Variants in TRHDE observed in about 807,000 individuals in gnomAD.
TRHDE encodes thyrotropin releasing hormone degrading enzyme, also known as thyrotropin-releasing hormone-degrading ectoenzyme.
In TRHDE, 72 loss-of-function variants were observed where a neutral mutation model predicts 125.7. The ratio of observed to expected loss-of-function variants is 0.57; its 90% CI spans 0.47 to 0.70. The LOEUF (loss-of-function observed/expected upper bound fraction) is 0.70. Ranked by LOEUF, TRHDE falls within the 30% of genes least tolerant of loss-of-function variation. The probability of loss-of-function intolerance (pLI) is 0.00; values close to 1 mark genes in which losing one functional copy is unlikely to be tolerated. For missense variants in TRHDE, 1,110 were observed against 1,327.1 expected (o/e 0.84, Z 2.54); for synonymous variants, 509 against 509.1 (o/e 1.00, Z 0.00).
chr12:72,365,309 A>T (rs1871295551), intron 2 of TRHDE, among the ~76,000 whole-genome samples: 1 of 152,098 alleles, frequency 6.6e-6, no homozygotes, highest in African/African-American at 2.4e-5. Context: ...AGGTGACTCT[A>T]GTCCAGTGGT....
intron 2 of TRHDE, among the ~76,000 whole-genome samples, chr12:72,196,388 A>G (rs878911767): frequency 1.3e-5 from 2 of 151,998 alleles, no homozygotes; most frequent in African/African-American, 4.8e-5. Flanking sequence ...TATGTCATCT[A>G]TGGTTTCTTT....
Position 72,159,305 on chromosome 12 carries a change from G to A in TRHDE, n.279+53553G>A, listed in dbSNP as rs538231058. ...TCAAGAAACACATACTTAGAGTACA[G>A]TAATAGTAATTCAATGATCTACTTT... On this transcript the variant is annotated intron_variant and non_coding_transcript_variant, in intron 2 of 4. Transcript: ENST00000548156. Among the ~76,000 whole-genome samples, 111 of 152,282 alleles carry A rather than the reference G, an allele frequency of 7.3e-4. No individual in the cohort carries two copies. In the Middle Eastern group the frequency reaches 0.01, roughly 14 times the overall value.
In TRHDE at chr12:72,394,730, C is replaced by A. The variant is rs149470125; in HGVS notation, c.1315+16609C>A. Reference sequence around the variant, plus strand: ...TTACATCTTGCAGCATACAAGCCTACAAGTGGTATAGGTGTCATATTGTTG... The same window carrying A: ...TTACATCTTGCAGCATACAAGCCTAAAAGTGGTATAGGTGTCATATTGTTG... On this transcript the variant is annotated intron_variant, in intron 3 of 18. Transcript: ENST00000261180. 6.6e-5 allele frequency among the ~76,000 whole-genome samples: 10 copies of A among 152,266 alleles called. No individual in the cohort carries two copies. The East Asian group carries it at 1.9e-3, about 29-fold the overall frequency.
chr12:72,171,893 G>A (rs562662535), intron 2 of TRHDE, among the ~76,000 whole-genome samples: 2 of 152,278 alleles, frequency 1.3e-5, no homozygotes, highest in African/African-American at 2.4e-5. Context: ...ACTTTAAGTT[G>A]CCCACATTCA....
Position 72,113,190 on chromosome 12 carries a change from T to A in TRHDE, n.279+7438T>A, listed in dbSNP as rs111765605. 2.3e-3 allele frequency among the ~76,000 whole-genome samples: 352 copies of A among 152,080 alleles called. 3 individuals carry two copies. The highest frequency in any genetic ancestry group is 7.3e-3 in the African/African-American group (303 of 41,538). ...ACATCACCATACCTGGCTAAATTTT[T>A]TTTTTCTTTGTAGAGAGAGGGTTTT... On this transcript the variant is annotated intron_variant and non_coding_transcript_variant, in intron 2 of 4. Coordinates refer to the TRHDE transcript ENST00000548156.
chr12:72,379,485 G>A lies in TRHDE; in HGVS notation c.1315+1364G>A, dbSNP rs1196801359. ...AATACTTGACCTCATTTGCATGGAA[G>A]GTGGCACTGTTATCTACTCCAGGTA... On this transcript the variant is annotated intron_variant, in intron 3 of 18. Transcript: ENST00000261180. 2.0e-5 allele frequency among the ~76,000 whole-genome samples: 3 copies of A among 152,198 alleles called. No individual in the cohort carries two copies. In the East Asian group the frequency reaches 5.8e-4, roughly 29 times the overall value.
intron 2 of TRHDE, among the ~76,000 whole-genome samples, chr12:72,335,323 T>A (rs1869782929): frequency 2.0e-5 from 3 of 152,158 alleles, no homozygotes; most frequent in Admixed American, 2.0e-4. Context: ...GGAAGACCAT[T>A]CCTTGAACTG....
At chr12:72,563,640 C>T (rs1467907136) in intron 9 of TRHDE, among the ~76,000 whole-genome samples, 2 of 152,160 alleles carry the variant, frequency 1.3e-5, no homozygotes, top group Non-Finnish European at 2.9e-5. Context: ...CATTTAATTA[C>T]TGATAACTCA....
intron 2 of TRHDE, among the ~76,000 whole-genome samples, chr12:72,189,057 G>C (rs114617127): frequency 0.011 from 1,626 of 152,244 alleles, 28 homozygotes; most frequent in African/African-American, 0.037. Context: ...CTAAAATCTT[G>C]GTAGGCAGGA....
intron 6 of TRHDE, among the ~76,000 whole-genome samples, chr12:72,541,337 T>C (rs1869138297): frequency 6.6e-6 from 1 of 151,588 alleles, no homozygotes; most frequent in South Asian, 2.1e-4. Context: ...AGATTTGTTA[T>C]CATCCATACT....
Position 72,507,746 on chromosome 12 carries a change from C to T in TRHDE, c.1722+8111C>T, listed in dbSNP as rs113674894. Among the ~76,000 whole-genome samples, 495 of 152,246 alleles carry T rather than the reference C, an allele frequency of 3.3e-3. 1 individual carries two copies. Among genetic ancestry groups the T allele is most frequent in the Non-Finnish European group, 5.7e-3 (385 of 67,998 alleles). On this transcript the variant is annotated intron_variant, in intron 6 of 18. Coordinates refer to ENST00000261180, the MANE Select transcript of TRHDE (RefSeq NM_013381.3). The stretch of plus-strand genomic sequence containing the variant: ...ATAAGAAGAGCTGAATGTCAATAGC[C>T]AAGACAATGGGGAAAAATGCCTTGA...
At chr12:72,603,711 T>C (rs957714525) in intron 12 of TRHDE, among the ~76,000 whole-genome samples, 7 of 151,328 alleles carry the variant, frequency 4.6e-5, no homozygotes, top group East Asian at 1.9e-4. Flanking sequence ...GGCGACAGAG[T>C]GAGACTCCGT....
intron 1 of TRHDE, among the ~76,000 whole-genome samples, chr12:72,091,577 G>C (rs919191926): frequency 1.3e-5 from 2 of 152,122 alleles, no homozygotes; most frequent in African/African-American, 4.8e-5. Context: ...TTTTACAAGG[G>C]TGTGCACGTG....
At chr12:72,187,843 C>T (rs1310843490) in intron 2 of TRHDE, among the ~76,000 whole-genome samples, 1 of 152,114 alleles carries the variant, frequency 6.6e-6, no homozygotes, top group Non-Finnish European at 1.5e-5. Context: ...TATGTACTGC[C>T]TCTGACTGTT....
At chr12:72,380,748 T>TTCCA (rs1378255352) in intron 3 of TRHDE, among the ~76,000 whole-genome samples, 15 of 93,570 alleles carry the variant, frequency 1.6e-4, no homozygotes, top group African/African-American at 1.1e-3. Flanking sequence ...CCTTCCTTCC[T>TTCCA]TCCTTCCTTC....
chr12:72,470,857 T>C (rs1213037044), intron 4 of TRHDE, among the ~76,000 whole-genome samples: 1 of 143,662 alleles, frequency 7.0e-6, no homozygotes, highest in Non-Finnish European at 1.5e-5. Flanking sequence ...TCTATGTAAA[T>C]GTCAGCTTTT....
chr12:72,259,934 G>A (rs961243736), intron 2 of TRHDE, among the ~76,000 whole-genome samples: 3 of 152,212 alleles, frequency 2.0e-5, no homozygotes, highest in Non-Finnish European at 4.4e-5. Flanking sequence ...TCATGTAAAT[G>A]TAGTGAATTG....
At chr12:72,423,099 T>A (rs1032233705) in intron 3 of TRHDE, among the ~76,000 whole-genome samples, 1 of 152,214 alleles carries the variant, frequency 6.6e-6, no homozygotes, top group African/African-American at 2.4e-5. Flanking sequence ...TTTTTATGAA[T>A]TCTTCCTTAT....
At chr12:72,635,287 G>T (rs1361718656) in intron 15 of TRHDE, among the ~76,000 whole-genome samples, 1 of 151,784 alleles carries the variant, frequency 6.6e-6, no homozygotes, top group Admixed American at 6.6e-5. Flanking sequence ...TTTTTTGGCT[G>T]CATAAATGTC....
Sources: gnomAD v4.1 joint callset for allele counts (sites outside exome capture counted in the v4.1 genomes callset) on GRCh38, gnomAD v4.1.1 for gene constraint, MANE v1.5 for transcripts, NCBI Gene and HGNC (gene_info 2026-07-23, HGNC 2026-07-21) for gene names.